The following RNGTT variants were observed in gnomAD, a reference collection of about 807,000 sequenced individuals.
The protein encoded by RNGTT is RNA guanylyltransferase and 5'-phosphatase.
In RNGTT, 33 loss-of-function variants were observed where a neutral mutation model predicts 79.3. The observed-to-expected ratio is 0.42, with a 90% CI of 0.32 to 0.56. The LOEUF is 0.56. Among genes scored for constraint, RNGTT ranks in the 20% least tolerant of loss-of-function variants. The pLI is 0.17. For synonymous variants in RNGTT, 222 were observed against 235.9 expected (o/e 0.94, Z 0.54); for missense variants, 497 against 739.1 (o/e 0.67, Z 3.80).
Position 88,920,933 on chromosome 6 carries a change from T to C in RNGTT, c.367+8052A>G, listed in dbSNP as rs563506194. Among the ~76,000 whole-genome samples, 14 of 152,300 alleles carry C rather than the reference T, an allele frequency of 9.2e-5. No homozygotes were observed. In the East Asian group the frequency reaches 2.3e-3, roughly 25 times the overall value. On this transcript the variant is annotated intron_variant, in intron 4 of 15. Coordinates refer to ENST00000369485, the MANE Select transcript of RNGTT (RefSeq NM_003800.5). ...AGTGATTCTGTTCATGTGGATTGAATTGGAAACATTTGCTTTGGGCCTGCC... is the reference window on the plus strand; with the variant it reads ...AGTGATTCTGTTCATGTGGATTGAACTGGAAACATTTGCTTTGGGCCTGCC...
chr6:88,797,298 A>C (rs1779630365), intron 12 of RNGTT, among the ~76,000 whole-genome samples: 1 of 152,218 alleles, frequency 6.6e-6, no homozygotes. Flanking sequence ...CACTGAAAAT[A>C]ACATGTTCAG....
At chr6:88,833,164 G>A in intron 11 of RNGTT, among the ~76,000 whole-genome samples, 1 of 152,104 alleles carries the variant, frequency 6.6e-6, no homozygotes, top group Non-Finnish European at 1.5e-5. Flanking sequence ...GCAAAGACTT[G>A]GAACCAACCC....
intron 8 of RNGTT, among the ~76,000 whole-genome samples, chr6:88,890,001 T>C (rs1216203076): frequency 6.6e-6 from 1 of 152,022 alleles, no homozygotes; most frequent in Non-Finnish European, 1.5e-5. Context: ...TCTTAAAACT[T>C]AGAAATATAA....
At chr6:88,729,119 G>A (rs1311234801) in intron 13 of RNGTT, among the ~76,000 whole-genome samples, 1 of 152,170 alleles carries the variant, frequency 6.6e-6, no homozygotes, top group African/African-American at 2.4e-5. Context: ...TCAGCCCTGA[G>A]GGCCATCCAG....
At chr6:88,774,453 C>A (rs9344860) in intron 12 of RNGTT, among the ~76,000 whole-genome samples, 1 of 151,970 alleles carries the variant, frequency 6.6e-6, no homozygotes, top group East Asian at 1.9e-4. Flanking sequence ...CCACATGACC[C>A]GGAAGGTCCA....
intron 8 of RNGTT, among the ~76,000 whole-genome samples, chr6:88,884,253 T>C (rs570283288): frequency 1.3e-5 from 2 of 152,150 alleles, no homozygotes; most frequent in Admixed American, 6.5e-5. Flanking sequence ...AATCTAAATA[T>C]CTCTATATAG....
Position 88,612,237 on chromosome 6 carries a change from G to A in RNGTT, c.*482C>T, listed in dbSNP as rs978625323. On this transcript the variant is annotated 3_prime_UTR_variant, in exon 16 of 16. Coordinates refer to ENST00000369485, the MANE Select transcript of RNGTT (RefSeq NM_003800.5). ...TTTTGAATACAGGGATCTCAGAAAT[G>A]TAGGAAATCCATGGTAAATGATAGC... 2.0e-5 allele frequency: 3 copies of A among 153,122 alleles called. No homozygotes were observed. The East Asian group carries it at 5.8e-4, about 29-fold the overall frequency. The allele number at this position is 153,122 out of a possible 1,614,324, so 9.5% of individuals were successfully genotyped here.
At chr6:88,670,008 T>C (rs1043485140) in intron 14 of RNGTT, among the ~76,000 whole-genome samples, 4 of 152,324 alleles carry the variant, frequency 2.6e-5, no homozygotes, top group Admixed American at 2.6e-4. Flanking sequence ...TGGCAGAACT[T>C]TGACTGTTAG....
At chr6:88,962,788 G>A (rs1233124982) in intron 1 of RNGTT, among the ~76,000 whole-genome samples, 1 of 151,868 alleles carries the variant, frequency 6.6e-6, no homozygotes, top group African/African-American at 2.4e-5. Flanking sequence ...AAAATTAGCC[G>A]GGTGCGGTGG....
chr6:88,779,405 A>G (rs1182032534), intron 12 of RNGTT, among the ~76,000 whole-genome samples: 1 of 152,216 alleles, frequency 6.6e-6, no homozygotes, highest in Non-Finnish European at 1.5e-5. Context: ...TAGTTTTAAA[A>G]TATCTCCTAA....
At chr6:88,883,577 G>T (rs1437491778) in intron 8 of RNGTT, among the ~76,000 whole-genome samples, 1 of 151,996 alleles carries the variant, frequency 6.6e-6, no homozygotes, top group Non-Finnish European at 1.5e-5. Flanking sequence ...ATTCTTCACA[G>T]CAAAGTAATA....
chr6:88,809,359 T>A (rs1353504553), intron 11 of RNGTT, among the ~76,000 whole-genome samples: 1 of 152,036 alleles, frequency 6.6e-6, no homozygotes, highest in Non-Finnish European at 1.5e-5. Context: ...AGTAAAGACA[T>A]CTTGAAAAGA....
chr6:88,683,963 CA>C (rs1775183446), intron 13 of RNGTT, among the ~76,000 whole-genome samples: 1 of 152,042 alleles, frequency 6.6e-6, no homozygotes, highest in African/African-American at 2.4e-5. Flanking sequence ...TACAGTGAGT[CA>C]TGAATGCACC....
chr6:88,625,264 C>A (rs928047660), intron 14 of RNGTT, among the ~76,000 whole-genome samples: 1 of 151,894 alleles, frequency 6.6e-6, no homozygotes, highest in East Asian at 1.9e-4. Context: ...TTTGTTCACA[C>A]AGAAACTTGA....
intron 14 of RNGTT, among the ~76,000 whole-genome samples, chr6:88,653,573 T>C (rs1773872618): frequency 6.6e-6 from 1 of 152,178 alleles, no homozygotes; most frequent in Non-Finnish European, 1.5e-5. Context: ...GAAAATAAAA[T>C]TGATTTATAT....
At chr6:88,801,798 G>GT (rs1378580662) in intron 11 of RNGTT, among the ~76,000 whole-genome samples, 166 bp from the exon 12 acceptor site, 1 of 140,770 alleles carries the variant, frequency 7.1e-6, no homozygotes, top group Non-Finnish European at 1.5e-5. Flanking sequence ...TTAATACATC[G>GT]TAAGATTTGA....
At chr6:88,769,660 AT>A (rs1471729275) in intron 13 of RNGTT, 113 bp downstream of exon 13, 3 of 552,386 alleles carry the variant, frequency 5.4e-6, no homozygotes, top group Non-Finnish European at 6.1e-6. Context: ...AAAATAAAGT[AT>A]TTTAGTTTCT....
chr6:88,938,350 T>A (rs970640931), intron 2 of RNGTT, among the ~76,000 whole-genome samples: 1 of 152,216 alleles, frequency 6.6e-6, no homozygotes. Flanking sequence ...GTTTAGCTAC[T>A]CCTGCTCACC....
intron 13 of RNGTT, among the ~76,000 whole-genome samples, chr6:88,739,473 C>T (rs1189641796): frequency 6.6e-6 from 1 of 151,724 alleles, no homozygotes; most frequent in Non-Finnish European, 1.5e-5. Context: ...AAAAACATCA[C>T]TGGAATAATA....
Sources: allele counts gnomAD v4.1 joint callset (sites outside exome capture counted in the v4.1 genomes callset), GRCh38; gene constraint gnomAD v4.1.1; transcripts MANE v1.5; gene names NCBI Gene and HGNC (gene_info 2026-07-23, HGNC 2026-07-21).